GLIS3: variants seen among roughly 807,000 people sequenced by gnomAD.
GLIS3 encodes zinc finger protein GLIS3.
A neutral mutation model predicts 78.6 loss-of-function variants in GLIS3; 53 were observed. The observed-to-expected ratio is 0.67, with a 90% CI of 0.54 to 0.85. GLIS3 has a LOEUF of 0.85. Among genes scored for constraint, GLIS3 ranks in the 40% least tolerant of loss-of-function variants. The pLI, the probability that GLIS3 is intolerant of heterozygous loss-of-function variation, is 0.00. For missense variants in GLIS3, 1,703 were observed against 1,231.1 expected (o/e 1.38, Z -5.74); for synonymous variants, 684 against 509.9 (o/e 1.34, Z -4.60).
At chr9:4,279,347 ACACACACACACACACAT>A (rs1827336029) in intron 2 of GLIS3, among the ~76,000 whole-genome samples, 2 of 64,132 alleles carry the variant, frequency 3.1e-5, no homozygotes, top group Non-Finnish European at 7.6e-5. Flanking sequence ...ACACACACAC[ACACACACACACACACAT>A]AATACATATT....
the GLIS3 span, among the ~76,000 whole-genome samples, chr9:4,434,234 T>C: frequency 6.6e-6 from 1 of 152,246 alleles, no homozygotes; most frequent in Non-Finnish European, 1.5e-5. Context: ...ACATATGTTT[T>C]ATATATTTCC....
chr9:3,947,479 G>C (rs1272779321), intron 4 of GLIS3, among the ~76,000 whole-genome samples: 2 of 152,196 alleles, frequency 1.3e-5, no homozygotes, highest in Non-Finnish European at 2.9e-5. Flanking sequence ...ATATGCATTT[G>C]TGGGTACAGC....
chr9:4,368,734 T>C, the GLIS3 span, among the ~76,000 whole-genome samples: 2 of 152,200 alleles, frequency 1.3e-5, no homozygotes, highest in Admixed American at 6.5e-5. Flanking sequence ...CCTCTGAACC[T>C]TGGCTCCTCA....
rs183040860 is a variant in GLIS3 at position 4,254,354 on chromosome 9, C to A, written c.388+31684G>T. On this transcript the variant is annotated intron_variant, in intron 2 of 10. Transcript: ENST00000381971. ...GATCTGTCTGAAGAAAATTACAAAT[C>A]ATCTTGAGAAATACAGAATTTTTTA... is the stretch of plus-strand genomic sequence containing the variant. Among the ~76,000 whole-genome samples the A allele has an allele frequency of 5.3e-3, 810 of 152,268 alleles. 9 individuals are homozygous for A. Among genetic ancestry groups the A allele is most frequent in the Non-Finnish European group, 8.0e-3 (543 of 68,026 alleles).
At chr9:3,891,651 A>T (rs775315532) in intron 7 of GLIS3, among the ~76,000 whole-genome samples, 15 of 152,198 alleles carry the variant, frequency 9.9e-5, no homozygotes, top group African/African-American at 3.4e-4. Context: ...ACAGTGAGCT[A>T]TGATCATGCC....
intron 4 of GLIS3, among the ~76,000 whole-genome samples, chr9:3,956,068 A>T (rs2130862534): frequency 6.6e-6 from 1 of 151,586 alleles, no homozygotes; most frequent in East Asian, 1.9e-4. Flanking sequence ...AAAGAAAAGA[A>T]TTCTTCATCC....
intron 1 of GLIS3, among the ~76,000 whole-genome samples, chr9:4,287,299 T>C (rs1280423291): frequency 1.3e-5 from 2 of 152,154 alleles, no homozygotes; most frequent in Admixed American, 6.5e-5. Context: ...ATGTACATGA[T>C]ACATGACATT....
At chr9:4,413,039 G>C in the GLIS3 span, among the ~76,000 whole-genome samples, 2 of 152,180 alleles carry the variant, frequency 1.3e-5, no homozygotes, top group Non-Finnish European at 2.9e-5. Context: ...CTGAGATTTA[G>C]AGTTTGTCTG....
intron 2 of GLIS3, among the ~76,000 whole-genome samples, chr9:4,336,991 ATATT>A (rs1413896860): frequency 6.6e-6 from 1 of 152,240 alleles, no homozygotes; most frequent in Admixed American, 6.5e-5. Flanking sequence ...TGACTAATAA[ATATT>A]TAAAAATCTA....
At chr9:4,363,023 C>T in the GLIS3 span, among the ~76,000 whole-genome samples, 2 of 152,154 alleles carry the variant, frequency 1.3e-5, no homozygotes. Flanking sequence ...GAAGTGAACA[C>T]TGGTCCATTA....
intron 6 of GLIS3, among the ~76,000 whole-genome samples, chr9:3,912,051 G>T (rs1824190234): frequency 6.6e-6 from 1 of 152,138 alleles, no homozygotes. Context: ...TGCCCCTACT[G>T]CTATGTGGCC....
chr9:4,488,515 GCTCT>G, the GLIS3 span, among the ~76,000 whole-genome samples: 221 of 135,346 alleles, frequency 1.6e-3, no homozygotes, highest in African/African-American at 6.0e-3. Context: ...TCTCGCGCAC[GCTCT>G]CTCTCTTTTT....
chr9:4,214,631 T>A (rs778846654), intron 2 of GLIS3, among the ~76,000 whole-genome samples: 1 of 152,192 alleles, frequency 6.6e-6, no homozygotes, highest in East Asian at 1.9e-4. Flanking sequence ...TTCTTCTGGT[T>A]TTCATTTAGC....
intron 4 of GLIS3, among the ~76,000 whole-genome samples, chr9:3,971,863 C>T (rs992289693): frequency 6.6e-6 from 1 of 152,136 alleles, no homozygotes; most frequent in Non-Finnish European, 1.5e-5. Flanking sequence ...ACATCTTACC[C>T]ATCTCACTCC....
At chr9:4,453,053 G>A in the GLIS3 span, among the ~76,000 whole-genome samples, 1 of 152,096 alleles carries the variant, frequency 6.6e-6, no homozygotes, top group South Asian at 2.1e-4. Context: ...ACAAAAACAA[G>A]AAATAGGAAA....
chr9:4,451,170 G>C, the GLIS3 span, among the ~76,000 whole-genome samples: 2 of 151,456 alleles, frequency 1.3e-5, no homozygotes, highest in East Asian at 1.9e-4. Context: ...CAAGCAAATG[G>C]AAAGCAAAAA....
At chr9:4,091,098 T>TA (rs1829458848) in intron 4 of GLIS3, among the ~76,000 whole-genome samples, 2 of 152,216 alleles carry the variant, frequency 1.3e-5, no homozygotes, top group Admixed American at 1.3e-4. Flanking sequence ...CTCATGCCTG[T>TA]AATCCCAACA....
chr9:3,982,580 G>GA (rs1273185521), intron 4 of GLIS3, among the ~76,000 whole-genome samples: 1 of 152,104 alleles, frequency 6.6e-6, no homozygotes, highest in African/African-American at 2.4e-5. Context: ...ATGAATGCAG[G>GA]AAAAAATTTG....
the GLIS3 span, among the ~76,000 whole-genome samples, chr9:4,480,196 C>CTTTTTTTTTTTTTT: frequency 7.5e-6 from 1 of 133,370 alleles, no homozygotes; most frequent in African/African-American, 3.0e-5. Context: ...CCAGGCTGGG[C>CTTTTTTTTTTTTTT]TTTCTTTTTT....
Sources: gnomAD v4.1 joint callset for allele counts (sites outside exome capture counted in the v4.1 genomes callset) on GRCh38, gnomAD v4.1.1 for gene constraint, MANE v1.5 for transcripts, NCBI Gene and HGNC (gene_info 2026-07-23, HGNC 2026-07-21) for gene names.